HCN4: variants seen among roughly 807,000 people sequenced by gnomAD.
HCN4 encodes the protein potassium/sodium hyperpolarization-activated cyclic nucleotide-gated channel 4.
In HCN4, 29 loss-of-function variants were observed where a neutral mutation model predicts 76.9. The ratio of observed to expected loss-of-function variants is 0.38; its 90% CI spans 0.28 to 0.51. HCN4 has a LOEUF of 0.51. HCN4 is among the 20% of genes least tolerant of loss of function. HCN4 has a pLI of 0.90. For missense variants in HCN4, 1,416 were observed against 1,715.2 expected (o/e 0.83, Z 3.08); for synonymous variants, 772 against 762.5 (o/e 1.01, Z -0.21).
chr15:73,331,504 G>T (rs1265332245), intron 3 of HCN4, among the ~76,000 whole-genome samples: 1 of 152,146 alleles, frequency 6.6e-6, no homozygotes, highest in African/African-American at 2.4e-5. Context: ...TTTGAGACAG[G>T]ATCTTGCTCT....
chr15:73,357,346 C>G (rs2043085868), intron 1 of HCN4, among the ~76,000 whole-genome samples: 1 of 152,188 alleles, frequency 6.6e-6, no homozygotes, highest in African/African-American at 2.4e-5. Context: ...GATGATGCCC[C>G]AGAGCCTCTG....
intron 3 of HCN4, among the ~76,000 whole-genome samples, chr15:73,330,114 C>T (rs148008869): frequency 6.6e-6 from 1 of 152,332 alleles, no homozygotes; most frequent in Non-Finnish European, 1.5e-5. Context: ...GGCTGAGCCA[C>T]CGTGCTGTCC....
At position 73,323,599 on chromosome 15, in the gene HCN4, G is replaced by A. The variant is rs200058167; in HGVS notation, c.2494C>T (p.Leu832=). ...GCGGAGCCCAGCGCAGAAGGGATCA[G>A]GGACTGCAGCCGTTTCAGGTGCCTT... ...TPRHLKRLQS[L]IPSALGSASP... The change falls in exon 8 of 8, where the codon CTG becomes TTG. Residue 832 remains leucine (L), a synonymous_variant. Coordinates refer to ENST00000261917, the MANE Select transcript of HCN4 (RefSeq NM_005477.3). 5 of 1,601,530 alleles carry A rather than the reference G, an allele frequency of 3.1e-6. No individual in the cohort carries two copies. The highest frequency in any genetic ancestry group is 3.4e-6 in the Non-Finnish European group (4 of 1,179,190).
chr15:73,352,197 T>C (rs1028161986), intron 1 of HCN4, among the ~76,000 whole-genome samples: 1 of 152,160 alleles, frequency 6.6e-6, no homozygotes, highest in Non-Finnish European at 1.5e-5. Flanking sequence ...GGTGGAAACA[T>C]ACGAATGAGT....
chr15:73,331,637 G>A (rs1205118400), intron 3 of HCN4, among the ~76,000 whole-genome samples: 1 of 152,094 alleles, frequency 6.6e-6, no homozygotes, highest in East Asian at 1.9e-4. Flanking sequence ...GAAGTCAGGG[G>A]TCTCCCTATG....
Position 73,367,702 on chromosome 15 carries a change from A to C in HCN4, c.569T>G (p.Val190Gly). Residue 190 changes from valine to glycine, a missense_variant, in exon 1 of 8, where the codon GTG (valine) becomes GGG (glycine). Transcript: ENST00000261917. The surrounding 1 kb of genome is among the most constrained non-coding windows in gnomAD (Gnocchi z 7.5). ...GTCGCCGGCAGCCGCGCCTCCCTCC[A>C]CTTTGATAGCGGTGTCCACCGAGGG... ...EQPSVDTAIK[V>G]EGGAAAGDQI... The C allele has an allele frequency of 1.3e-6, 2 of 1,599,310 alleles. No individual in the cohort carries two copies. Among genetic ancestry groups the C allele is most frequent in the Non-Finnish European group, 8.5e-7 (1 of 1,179,268 alleles).
At position 73,343,906 on chromosome 15, in the gene HCN4, G is replaced by A; in HGVS notation, c.786-98C>T. 2 of 1,298,750 alleles carry A rather than the reference G, an allele frequency of 1.5e-6. No homozygotes were observed. Among genetic ancestry groups the A allele is most frequent in the Non-Finnish European group, 2.2e-6 (2 of 904,866 alleles). The allele number at this position is 1,298,750 out of a possible 1,614,324, so 80.5% of individuals were successfully genotyped here. ...GAGGGACAGCATCTGGGACAGAGAA[G>A]TCTTGGGAGGTTCTGAGACAGGAAG... On this transcript the variant is annotated intron_variant, in intron 1 of 7. Transcript: ENST00000261917. This position sits in a 1 kb window ranked among gnomAD's most constrained non-coding sequence, Gnocchi z 5.7.
At chr15:73,364,763 A>C (rs74022955) in intron 1 of HCN4, among the ~76,000 whole-genome samples, 1,659 of 152,140 alleles carry the variant, frequency 0.011, 28 homozygotes, top group African/African-American at 0.038. Flanking sequence ...TAGCCCAGAA[A>C]AGCCTATGAT....
At chr15:73,344,433 C>T (rs2043021336) in intron 1 of HCN4, among the ~76,000 whole-genome samples, 1 of 152,236 alleles carries the variant, frequency 6.6e-6, no homozygotes, top group Non-Finnish European at 1.5e-5. Context: ...ATCTGGCCCT[C>T]TCCCAAACTG....
In HCN4 at chr15:73,367,386, G is replaced by A; in HGVS notation, c.785+100C>T. 6.4e-7 allele frequency: 1 copy of A among 1,562,132 alleles called. No homozygotes were observed. The highest frequency in any genetic ancestry group is 1.4e-5 in the African/African-American group (1 of 74,020). The stretch of plus-strand genomic sequence containing the variant: ...CCCTGCCTCTCTTGGAGCTCCCAGC[G>A]CAAGGCAGGAAAGTTAACTCCGGCT... On this transcript the variant is annotated intron_variant, in intron 1 of 7. Coordinates refer to ENST00000261917, the MANE Select transcript of HCN4 (RefSeq NM_005477.3). This position sits in a 1 kb window ranked among gnomAD's most constrained non-coding sequence, Gnocchi z 7.5.
At chr15:73,352,237 ATGCCATGCATGCCTCAGGAGTGCG>A (rs141621194) in intron 1 of HCN4, among the ~76,000 whole-genome samples, 1,713 of 152,320 alleles carry the variant, frequency 0.011, 27 homozygotes, top group African/African-American at 0.038. Flanking sequence ...AGATGAGTGC[ATGCCATGCATGCCTCAGGAGTGCG>A]TGCCAAAGGC....
In HCN4 at chr15:73,320,420, G is replaced by C. The variant is rs1394630119; in HGVS notation, c.*2061C>G. ...CCCAGGATAGCTCAAGGCAAAACCCGATCTTGCCAACATTCTGGCTTGGAG... is the reference window on the plus strand; with the variant it reads ...CCCAGGATAGCTCAAGGCAAAACCCCATCTTGCCAACATTCTGGCTTGGAG... On this transcript the variant is annotated 3_prime_UTR_variant, in exon 8 of 8. Coordinates refer to ENST00000261917, the MANE Select transcript of HCN4 (RefSeq NM_005477.3). 6.6e-6 allele frequency: 1 copy of C among 152,222 alleles called. No individual in the cohort carries two copies. Among genetic ancestry groups the C allele is most frequent in the Non-Finnish European group, 1.5e-5 (1 of 68,074 alleles). 9.4% of individuals were successfully genotyped at this position (152,222 alleles called of 1,614,324 possible).
At position 73,344,516 on chromosome 15, in the gene HCN4, T is replaced by C. The variant is rs561902312; in HGVS notation, c.786-708A>G. On this transcript the variant is annotated intron_variant, in intron 1 of 7. Coordinates refer to ENST00000261917, the MANE Select transcript of HCN4 (RefSeq NM_005477.3). ...CTGACCATCTCCTTCCCTCAGAGGT[T>C]TGCATCCTAACATGGGGGTGTGGAG... Among the ~76,000 whole-genome samples the C allele has an allele frequency of 2.0e-5, 3 of 152,146 alleles. No homozygotes were observed. In the South Asian group the frequency reaches 6.2e-4, roughly 32 times the overall value.
In HCN4 at chr15:73,322,684, G is replaced by A. The variant is rs773914774; in HGVS notation, c.3409C>T (p.Pro1137Ser). ...ATGGCACCATAGGGCCTCCCAGGGG[G>A]ACCGAGGCCCCCGCTGCTCCCACTG... is the stretch of plus-strand genomic sequence containing the variant. ...GGSGSSGGLG[P>S]PGRPYGAIPG... The change falls in exon 8 of 8, where the codon CCC becomes TCC. Residue 1137 changes from proline to serine, a missense_variant. Transcript: ENST00000261917. 1.0e-5 allele frequency: 16 copies of A among 1,592,170 alleles called. No homozygotes were observed. Among genetic ancestry groups the A allele is most frequent in the African/African-American group, 5.4e-5 (4 of 74,610 alleles).
Position 73,343,432 on chromosome 15 carries a change from G to A in HCN4, c.1162C>T (p.Leu388=), listed in dbSNP as rs1158045945. Residue 388 remains leucine (L), a synonymous_variant, in exon 2 of 8, where the codon CTG becomes TTG. Coordinates refer to ENST00000261917, the MANE Select transcript of HCN4 (RefSeq NM_005477.3). This position sits in a 1 kb window ranked among gnomAD's most constrained non-coding sequence, Gnocchi z 5.7. ...CGAATGAGGCGGGAGAGGCGTAACAGGCGTAAGAGGCTGAGGATCTTCGTG... is the reference window on the plus strand; with the variant it reads ...CGAATGAGGCGGGAGAGGCGTAACAAGCGTAAGAGGCTGAGGATCTTCGTG... ...RFTKILSLLR[L]LRLSRLIRYI... 9 of 1,614,068 alleles carry A rather than the reference G, an allele frequency of 5.6e-6. No homozygotes were observed. Among genetic ancestry groups the A allele is most frequent in the Non-Finnish European group, 6.8e-6 (8 of 1,180,044 alleles).
At chr15:73,340,105 C>G (rs2042991523) in intron 2 of HCN4, among the ~76,000 whole-genome samples, 1 of 152,226 alleles carries the variant, frequency 6.6e-6, no homozygotes, top group Non-Finnish European at 1.5e-5. Flanking sequence ...AAGGCCAGGA[C>G]CAGCGCCTGA....
At chr15:73,364,747 C>G (rs2043121124) in intron 1 of HCN4, among the ~76,000 whole-genome samples, 1 of 152,120 alleles carries the variant, frequency 6.6e-6, no homozygotes, top group Non-Finnish European at 1.5e-5. Context: ...TAATGAGAAG[C>G]AGAGGTAGCC....
In HCN4 at chr15:73,343,694, C is replaced by A; in HGVS notation, c.900G>T (p.Val300=). ...CGATGAGGAAGAATGTGTCTGACAC[C>A]ACATTGAAGACAATCCAGGGTGTGG... ...ENTTPWIVFN[V]VSDTFFLIDL... Residue 300 remains valine (V), a synonymous_variant, in exon 2 of 8, where the codon GTG becomes GTT. Transcript: ENST00000261917. The surrounding 1 kb of genome is among the most constrained non-coding windows in gnomAD (Gnocchi z 5.7). The A allele has an allele frequency of 1.2e-6, 2 of 1,614,086 alleles. No individual in the cohort carries two copies. The highest frequency in any genetic ancestry group is 2.2e-5 in the East Asian group (1 of 44,876).
intron 2 of HCN4, among the ~76,000 whole-genome samples, chr15:73,334,366 C>G (rs1398581707): frequency 6.6e-6 from 1 of 152,046 alleles, no homozygotes; most frequent in Non-Finnish European, 1.5e-5. Flanking sequence ...TGTGGCTGGT[C>G]ATGTTCAGGC....
Sources: allele counts gnomAD v4.1 joint callset (sites outside exome capture counted in the v4.1 genomes callset), GRCh38; gene constraint gnomAD v4.1.1; non-coding constraint Gnocchi (gnomAD v3.1); transcripts MANE v1.5; gene names NCBI Gene and HGNC (gene_info 2026-07-23, HGNC 2026-07-21).